The following UCP1 variants were observed in gnomAD, a reference collection of about 807,000 sequenced individuals.
UCP1 encodes the protein mitochondrial brown fat uncoupling protein 1.
UCP1 carries 24 observed loss-of-function variants against 26.2 expected under a neutral mutation model. The ratio of observed to expected loss-of-function variants is 0.92; its 90% CI spans 0.66 to 1.29. The LOEUF is 1.29. Ranked by LOEUF, UCP1 falls within the 50% of genes most tolerant of loss-of-function variation. UCP1 has a pLI of 0.00. For missense variants in UCP1, 402 were observed against 388.7 expected (o/e 1.03, Z -0.29); for synonymous variants, 164 against 156.8 (o/e 1.05, Z -0.34).
chr4:140,567,981 G>C lies in UCP1; in HGVS notation c.127-4C>G, dbSNP rs573045664. 6 of 1,614,136 alleles carry C rather than the reference G, an allele frequency of 3.7e-6. No homozygotes were observed. In the African/African-American group the frequency reaches 8.0e-5, roughly 22 times the overall value. ...ACGTCGGGCATTCACCTTGGACCTG[G>C]AAATAAGAAAGGTGCAGAACAGAAG... On this transcript the variant is annotated splice_polypyrimidine_tract_variant and splice_region_variant and intron_variant, in intron 1 of 5. Transcript: ENST00000262999.
chr4:140,567,820 A>T lies in UCP1; in HGVS notation c.284T>A (p.Leu95His). 6.2e-7 allele frequency: 1 copy of T among 1,614,124 alleles called. No individual in the cohort carries two copies. Among genetic ancestry groups the T allele is most frequent in the Non-Finnish European group, 8.5e-7 (1 of 1,180,012 alleles). Residue 95 changes from leucine (L) to histidine (H), a missense_variant, in exon 2 of 6, where the codon CTC becomes CAC. Transcript: ENST00000262999. Reference sequence around the variant, plus strand: ...GAGGAACTCCTGGACCGTGTCGTAGAGGCCGATCCTGAGAGAGGCGGAGCT... The same window carrying T: ...GAGGAACTCCTGGACCGTGTCGTAGTGGCCGATCCTGAGAGAGGCGGAGCT... ...QISSASLRIG[L>H]YDTVQEFLTA...
intron 1 of UCP1, 104 bp downstream of exon 1, chr4:140,568,500 C>T: frequency 1.3e-6 from 2 of 1,561,460 alleles, no homozygotes; most frequent in Middle Eastern, 1.7e-4. Context: ...GTCACCTACC[C>T]TACCTAGAAA....
At chr4:140,560,763 A>G (rs1357606031) in intron 5 of UCP1, among the ~76,000 whole-genome samples, 1 of 151,400 alleles carries the variant, frequency 6.6e-6, no homozygotes, top group Non-Finnish European at 1.5e-5. Context: ...AAAAAAAATC[A>G]TAAAATTACA....
At chr4:140,562,775 A>G (rs898340704) in intron 4 of UCP1, among the ~76,000 whole-genome samples, 9 of 152,114 alleles carry the variant, frequency 5.9e-5, no homozygotes, top group African/African-American at 1.9e-4. Context: ...GATCTTTTGG[A>G]TATAGTATGC....
intron 4 of UCP1, among the ~76,000 whole-genome samples, 189 bp downstream of exon 4, chr4:140,562,921 C>A (rs553454250): frequency 6.6e-6 from 1 of 152,216 alleles, no homozygotes; most frequent in South Asian, 2.1e-4. Flanking sequence ...TTTGTTGTGG[C>A]AAAACTTCTT....
chr4:140,562,609 C>T (rs1468688595), intron 4 of UCP1, among the ~76,000 whole-genome samples: 1 of 152,078 alleles, frequency 6.6e-6, no homozygotes, highest in Non-Finnish European at 1.5e-5. Context: ...GCCTTTAAGG[C>T]CTGTAATAAT....
At position 140,562,183 on chromosome 4, in the gene UCP1, C is replaced by T. The variant is rs769226530; in HGVS notation, c.809+10G>A. The T allele has an allele frequency of 1.2e-6, 2 of 1,613,984 alleles. No individual in the cohort carries two copies. The highest frequency in any genetic ancestry group is 1.1e-5 in the South Asian group (1 of 91,064). ...AGAACACATTACAGATACACAAGATCATATCTTACCCCTTGAAGAAAGCCG... is the reference window on the plus strand; with the variant it reads ...AGAACACATTACAGATACACAAGATTATATCTTACCCCTTGAAGAAAGCCG... On this transcript the variant is annotated intron_variant, in intron 5 of 5. Coordinates refer to ENST00000262999, the MANE Select transcript of UCP1 (RefSeq NM_021833.5).
chr4:140,563,396 T>G lies in UCP1; in HGVS notation c.448A>C (p.Ile150Leu), dbSNP rs754245330. 6.2e-7 allele frequency: 1 copy of G among 1,614,140 alleles called. No individual in the cohort carries two copies. The highest frequency in any genetic ancestry group is 8.5e-7 in the Non-Finnish European group (1 of 1,180,024). ...TAAGTCCCCGTGTAGCGAGGTTTGA[T>G]TCCGTGGAGATGGCTCTGTGCTTGA... ...RLQAQSHLHG[I>L]KPRYTGTYNA... The change falls in exon 3 of 6, where the codon ATC becomes CTC. Residue 150 changes from isoleucine (I) to leucine (L), a missense_variant. Coordinates refer to ENST00000262999, the MANE Select transcript of UCP1 (RefSeq NM_021833.5).
intron 2 of UCP1, 122 bp downstream of exon 2, chr4:140,567,657 G>A: frequency 1.0e-5 from 13 of 1,301,080 alleles, no homozygotes; most frequent in Non-Finnish European, 1.4e-5. Flanking sequence ...GGAAGGGAGA[G>A]TTCAAATATG....
At chr4:140,565,439 A>G (rs983391052) in intron 2 of UCP1, among the ~76,000 whole-genome samples, 1 of 152,124 alleles carries the variant, frequency 6.6e-6, no homozygotes, top group Non-Finnish European at 1.5e-5. Context: ...TTTTACATAT[A>G]TACTCTATCT....
intron 4 of UCP1, 29 bp from the exon 5 acceptor site, chr4:140,562,402 A>G (rs1404699696): frequency 6.2e-7 from 1 of 1,612,778 alleles, no homozygotes; most frequent in Non-Finnish European, 8.5e-7. Flanking sequence ...ACAGGTCAAC[A>G]TCAGACTTTT....
In UCP1 at chr4:140,568,899, G is replaced by A. The variant is rs1735872607; in HGVS notation, c.-170C>T. On this transcript the variant is annotated 5_prime_UTR_variant, in exon 1 of 6. Coordinates refer to ENST00000262999, the MANE Select transcript of UCP1 (RefSeq NM_021833.5). ...CAGAGGCGGCGGCTGCAGACGGAGC[G>A]CGGTGTTGGGGGCCGAGTCCCCGCG... 1.9e-6 allele frequency: 2 copies of A among 1,027,792 alleles called. No homozygotes were observed. The highest frequency in any genetic ancestry group is 2.8e-6 in the Non-Finnish European group (2 of 713,858). The allele number at this position is 1,027,792 out of a possible 1,614,324, so 63.7% of individuals were successfully genotyped here. A position where few individuals can be genotyped will look rare whatever the true frequency, so the allele number is the denominator to read the frequency against.
Position 140,563,425 on chromosome 4 carries a change from C to G in UCP1, c.419G>C (p.Arg140Thr). Residue 140 changes from arginine (R) to threonine (T), a missense_variant, in exon 3 of 6, where the codon AGA becomes ACA. By Grantham distance (71) the Arg-to-Thr change is moderately conservative (BLOSUM62 -1). Coordinates refer to ENST00000262999, the MANE Select transcript of UCP1 (RefSeq NM_021833.5). ...GTGGAGATGGCTCTGTGCTTGAAGT[C>G]TGACTTTCACGACCTCTGTGGGTTG... ...IGQPTEVVKV[R>T]LQAQSHLHGI... The G allele has an allele frequency of 6.2e-7, 1 of 1,614,114 alleles. No individual in the cohort carries two copies. The highest frequency in any genetic ancestry group is 2.2e-5 in the East Asian group (1 of 44,880).
At chr4:140,561,196 C>A (rs966323596) in intron 5 of UCP1, among the ~76,000 whole-genome samples, 1 of 152,100 alleles carries the variant, frequency 6.6e-6, no homozygotes, top group Non-Finnish European at 1.5e-5. Flanking sequence ...TGAGTTGGAA[C>A]TTTTTATAAA....
At chr4:140,566,698 T>G (rs980279972) in intron 2 of UCP1, among the ~76,000 whole-genome samples, 1 of 152,212 alleles carries the variant, frequency 6.6e-6, no homozygotes, top group African/African-American at 2.4e-5. Flanking sequence ...TCACTTAATG[T>G]ATTCATTGTG....
intron 5 of UCP1, among the ~76,000 whole-genome samples, chr4:140,560,880 C>T (rs1304742920): frequency 6.6e-6 from 1 of 152,114 alleles, no homozygotes; most frequent in Non-Finnish European, 1.5e-5. Flanking sequence ...TTAAACAGCT[C>T]TCCATTTTTT....
chr4:140,562,030 A>G (rs1182900904), intron 5 of UCP1, among the ~76,000 whole-genome samples, 163 bp downstream of exon 5: 1 of 152,220 alleles, frequency 6.6e-6, no homozygotes, highest in African/African-American at 2.4e-5. Context: ...TTTCTGGCAC[A>G]GTGGAATTGG....
chr4:140,560,317 G>C (rs1398334366), intron 5 of UCP1, among the ~76,000 whole-genome samples: 3 of 152,034 alleles, frequency 2.0e-5, no homozygotes, highest in African/African-American at 7.2e-5. Context: ...TCCCTCCTCT[G>C]CTGAAAATAA....
At chr4:140,566,647 G>A (rs1735805417) in intron 2 of UCP1, among the ~76,000 whole-genome samples, 1 of 152,044 alleles carries the variant, frequency 6.6e-6, no homozygotes, top group Admixed American at 6.6e-5. Flanking sequence ...TAGTATTGAA[G>A]GTTACTCACA....
Sources: allele counts gnomAD v4.1 joint callset (sites outside exome capture counted in the v4.1 genomes callset), GRCh38; gene constraint gnomAD v4.1.1; transcripts MANE v1.5; gene names NCBI Gene and HGNC (gene_info 2026-07-23, HGNC 2026-07-21).